HERC1: variants seen among roughly 807,000 people sequenced by gnomAD.
HERC1 encodes the protein probable E3 ubiquitin-protein ligase HERC1.
HERC1 carries 160 observed loss-of-function variants against 554.3 expected under a neutral mutation model. That is an observed-to-expected ratio of 0.29 (90% CI 0.25 to 0.33). HERC1 has a LOEUF of 0.33. Ranked by LOEUF, HERC1 falls within the 10% of genes least tolerant of loss-of-function variation. The pLI, the probability that HERC1 is intolerant of heterozygous loss-of-function variation, is 1.00. For synonymous variants in HERC1, 2,175 were observed against 2,131.7 expected (o/e 1.02, Z -0.56); for missense variants, 4,919 against 5,918.5 (o/e 0.83, Z 5.54).
intron 11 of HERC1, 125 bp from the exon 12 acceptor site, chr15:63,747,208 C>G (rs1023627099): frequency 2.6e-6 from 2 of 769,210 alleles, no homozygotes; most frequent in Non-Finnish European, 4.1e-6. Context: ...GCCTGTAATC[C>G]CAGCACTTTG....
chr15:63,706,945 A>G, intron 24 of HERC1, 114 bp from the exon 25 acceptor site: 1 of 643,902 alleles, frequency 1.6e-6, no homozygotes, highest in East Asian at 2.9e-5. Flanking sequence ...TGTCTTACTT[A>G]TTCATCATTC....
chr15:63,620,874 A>G (rs990214858), intron 74 of HERC1, among the ~76,000 whole-genome samples: 12 of 151,598 alleles, frequency 7.9e-5, no homozygotes, highest in Non-Finnish European at 1.3e-4. Flanking sequence ...CTTTATTTTG[A>G]GCCTATATGT....
At chr15:63,678,530 A>T (rs145348092) in intron 36 of HERC1, among the ~76,000 whole-genome samples, 165 bp from the exon 37 acceptor site, 83 of 152,268 alleles carry the variant, frequency 5.5e-4, no homozygotes, top group African/African-American at 2.0e-3. Context: ...TCACAGACAC[A>T]CTGAAGTTAG....
chr15:63,672,496 C>T lies in HERC1; in HGVS notation c.8045G>A (p.Arg2682Lys). The change falls in exon 39 of 78, where the codon AGG (arginine) becomes AAG (lysine). Residue 2682 changes from arginine (R) to lysine (K), a missense_variant and splice_region_variant. Coordinates refer to ENST00000443617, the MANE Select transcript of HERC1 (RefSeq NM_003922.4). ...AGACATTAAAGGTCAACTTCTCTAC[C>T]TGAGAAGACTAAGAGGCATCACTCC... ...SPGVMPLSLL[R>K]QMFSSYPTTT... 6.3e-7 allele frequency: 1 copy of T among 1,583,674 alleles called. No homozygotes were observed. Among genetic ancestry groups the T allele is most frequent in the Non-Finnish European group, 8.6e-7 (1 of 1,163,900 alleles).
intron 27 of HERC1, among the ~76,000 whole-genome samples, chr15:63,695,204 T>C (rs2072333189): frequency 6.6e-6 from 1 of 151,158 alleles, no homozygotes; most frequent in Admixed American, 6.6e-5. Context: ...CTTGGCTAAT[T>C]TTTTGTATTT....
intron 54 of HERC1, among the ~76,000 whole-genome samples, chr15:63,648,532 T>C (rs905952043): frequency 3.3e-5 from 5 of 152,212 alleles, no homozygotes; most frequent in Non-Finnish European, 5.9e-5. Flanking sequence ...AAATCTACCA[T>C]GAAACTGAGA....
intron 1 of HERC1, among the ~76,000 whole-genome samples, chr15:63,787,197 C>T (rs1239822656): frequency 6.6e-6 from 1 of 151,566 alleles, no homozygotes; most frequent in Non-Finnish European, 1.5e-5. Flanking sequence ...CACTCCGTCA[C>T]CAAGGATGGA....
At chr15:63,744,164 G>GTGTGTGTGTGTCTCTC in intron 12 of HERC1, among the ~76,000 whole-genome samples, 9 of 46,302 alleles carry the variant, frequency 1.9e-4, no homozygotes, top group South Asian at 6.3e-4. Context: ...GTGTGTGTGT[G>GTGTGTGTGTGTCTCTC]TCTCTCTCTC....
rs114509614 is a variant in HERC1, at chr15:63,699,600, C to T, written c.4637-604G>A. On this transcript the variant is annotated intron_variant, in intron 25 of 77. Coordinates refer to ENST00000443617, the MANE Select transcript of HERC1 (RefSeq NM_003922.4). ...ACTGACTGTGTCATGTGCATATTTA[C>T]TGCAGGTTGTGAAACTCCTATATAG... Among the ~76,000 whole-genome samples, 172 of 152,284 alleles carry T rather than the reference C, an allele frequency of 1.1e-3. 1 individual carries two copies. Among genetic ancestry groups the T allele is most frequent in the African/African-American group, 4.1e-3 (170 of 41,562 alleles).
At chr15:63,706,538 GATT>G (rs1275622867) in intron 25 of HERC1, among the ~76,000 whole-genome samples, 1 of 151,976 alleles carries the variant, frequency 6.6e-6, no homozygotes, top group African/African-American at 2.4e-5. Context: ...GAAAATAACT[GATT>G]ATTAACTCCT....
Position 63,733,017 on chromosome 15 carries a change from T to C in HERC1, c.2775A>G (p.Ser925=), listed in dbSNP as rs369156361. 6.2e-6 allele frequency: 10 copies of C among 1,614,002 alleles called. No individual in the cohort carries two copies. The highest frequency in any genetic ancestry group is 2.7e-5 in the African/African-American group (2 of 75,056). The change falls in exon 14 of 78, where the codon TCA becomes TCG. Residue 925 remains serine (S), a synonymous_variant. Transcript: ENST00000443617. ...SSVCTGYGNL[S]DQPYGTQSCH... ...AGCTCTGAGTGCCGTAAGGTTGATC[T>C]GACAGATTTCCGTAGCCAGTACACA...
intron 74 of HERC1, among the ~76,000 whole-genome samples, chr15:63,619,149 T>C (rs1386212091): frequency 6.6e-6 from 1 of 152,222 alleles, no homozygotes; most frequent in East Asian, 1.9e-4. Flanking sequence ...AGATAGCTCT[T>C]ACTATTTTGA....
At chr15:63,813,110 T>C (rs2077382130) in intron 1 of HERC1, among the ~76,000 whole-genome samples, 2 of 152,198 alleles carry the variant, frequency 1.3e-5, no homozygotes, top group African/African-American at 4.8e-5. Context: ...ATTTTCAAAA[T>C]AAGACCTTCA....
chr15:63,753,136 T>A, intron 7 of HERC1, 51 bp from the exon 8 acceptor site: 1 of 1,397,028 alleles, frequency 7.2e-7, no homozygotes, highest in South Asian at 1.5e-5. Context: ...GAACCTCTAC[T>A]CTTTTTAACA....
At position 63,674,441 on chromosome 15, in the gene HERC1, C is replaced by A. The variant is rs371527327; in HGVS notation, c.7747G>T (p.Ala2583Ser). The change falls in exon 38 of 78, where the codon GCA (alanine) becomes TCA (serine). Residue 2583 changes from alanine (A) to serine (S), a missense_variant. Physicochemically the swap from Ala to Ser is moderately conservative, Grantham distance 99. This residue lies in a region of HERC1 where 1,963 missense variants were observed against 2,228.6 expected (regional missense o/e 0.88). Coordinates refer to ENST00000443617, the MANE Select transcript of HERC1 (RefSeq NM_003922.4). The stretch of plus-strand genomic sequence containing the variant: ...CGTTCCAGATCAGCTAATCCCAATG[C>A]TCTCTTTATGGGTGACCGCATGACT... ...RAVMRSPIKR[A>S]LGLADLERAQ... The A allele has an allele frequency of 1.2e-6, 2 of 1,613,908 alleles. No homozygotes were observed. Among genetic ancestry groups the A allele is most frequent in the South Asian group, 2.2e-5 (2 of 91,068 alleles).
chr15:63,769,488 T>C (rs1695816311), intron 2 of HERC1, among the ~76,000 whole-genome samples: 3 of 152,206 alleles, frequency 2.0e-5, no homozygotes, highest in South Asian at 4.1e-4. Context: ...GCCCATTAAA[T>C]GTATAACTTC....
intron 2 of HERC1, among the ~76,000 whole-genome samples, chr15:63,768,020 T>C (rs376055342): frequency 4.6e-5 from 7 of 151,378 alleles, no homozygotes; most frequent in East Asian, 1.9e-4. Context: ...CCATTAATAA[T>C]CATTATTCTT....
chr15:63,621,782 C>T (rs963508022), intron 74 of HERC1, among the ~76,000 whole-genome samples: 5 of 152,142 alleles, frequency 3.3e-5, no homozygotes, highest in African/African-American at 4.8e-5. Flanking sequence ...TTGATCGAAT[C>T]GGTTACTGAG....
Position 63,769,003 on chromosome 15 carries a change from A to G in HERC1, c.931-4812T>C, listed in dbSNP as rs189338513. The stretch of plus-strand genomic sequence containing the variant: ...TTACTGCCAAATTTAACAATACCAA[A>G]CCAACAAAATATCCCACAAACACTG... On this transcript the variant is annotated intron_variant, in intron 2 of 77. Coordinates refer to ENST00000443617, the MANE Select transcript of HERC1 (RefSeq NM_003922.4). Among the ~76,000 whole-genome samples, 7 of 152,314 alleles carry G rather than the reference A, an allele frequency of 4.6e-5. No individual in the cohort carries two copies. In the East Asian group the frequency reaches 1.4e-3, roughly 29 times the overall value.
Sources: gnomAD v4.1 joint callset for allele counts (sites outside exome capture counted in the v4.1 genomes callset) on GRCh38, gnomAD v4.1.1 for gene constraint, gnomAD v4.1.1 regional missense constraint, MANE v1.5 for transcripts, NCBI Gene and HGNC (gene_info 2026-07-23, HGNC 2026-07-21) for gene names.